CEP57: variants seen among roughly 807,000 people sequenced by gnomAD.
CEP57 encodes the protein centrosomal protein 57.
In CEP57, 40 loss-of-function variants were observed where a neutral mutation model predicts 68.0. That is an observed-to-expected ratio of 0.59 (90% CI 0.46 to 0.77). The LOEUF is 0.77. Among genes scored for constraint, CEP57 ranks in the 30% least tolerant of loss-of-function variants. CEP57 has a pLI of 0.00. For synonymous variants in CEP57, 219 were observed against 198.7 expected (o/e 1.10, Z -0.86); for missense variants, 606 against 580.7 (o/e 1.04, Z -0.45).
intron 2 of CEP57, 106 bp from the exon 3 acceptor site, chr11:95,812,826 A>T (rs1190406542): frequency 2.2e-5 from 21 of 938,466 alleles, no homozygotes; most frequent in Non-Finnish European, 3.7e-5. Flanking sequence ...CCTCCACTGG[A>T]CTCATCCATC....
chr11:95,806,662 C>T lies in CEP57; in HGVS notation c.203-6270C>T, dbSNP rs1441558509. On this transcript the variant is annotated intron_variant, in intron 2 of 10. Transcript: ENST00000325542. ...CTGAGATCCAACTGCAAGGCTGCAG[C>T]GAGGCTGGGGGAGGGGCATCCGCAA... Among the ~76,000 whole-genome samples the T allele has an allele frequency of 1.1e-4, 16 of 152,268 alleles. 1 individual carries two copies. Among genetic ancestry groups the T allele is most frequent in the Middle Eastern group, 6.8e-3 (2 of 294 alleles).
chr11:95,800,052 G>C (rs1310780452), intron 2 of CEP57, among the ~76,000 whole-genome samples: 3 of 152,108 alleles, frequency 2.0e-5, no homozygotes, highest in Admixed American at 6.6e-5. Flanking sequence ...TTAACAAATT[G>C]CCATGAACTT....
At chr11:95,814,855 C>G (rs1591068618) in intron 4 of CEP57, among the ~76,000 whole-genome samples, 1 of 152,072 alleles carries the variant, frequency 6.6e-6, no homozygotes, top group Non-Finnish European at 1.5e-5. Context: ...TGAATTGGTT[C>G]TCAGACCCCT....
At chr11:95,790,041 T>C (rs1860932070), upstream of CEP57, 1 of 156,126 alleles carries the variant, frequency 6.4e-6, no homozygotes. Context: ...ATTGAGCAAA[T>C]GTTCGCGAAA....
chr11:95,813,331 T>C (rs907471382), intron 3 of CEP57, 137 bp from the exon 4 acceptor site: 3 of 1,109,328 alleles, frequency 2.7e-6, no homozygotes, highest in Non-Finnish European at 2.6e-6. Flanking sequence ...AAGAATGATT[T>C]AGGTAATCTG....
At chr11:95,799,065 C>G (rs1861464310) in intron 1 of CEP57, among the ~76,000 whole-genome samples, 167 bp from the exon 2 acceptor site, 1 of 152,174 alleles carries the variant, frequency 6.6e-6, no homozygotes, top group Non-Finnish European at 1.5e-5. Flanking sequence ...TAATATGAAA[C>G]ACTTTAAAAG....
chr11:95,818,860 G>A lies in CEP57; in HGVS notation c.655G>A (p.Glu219Lys). ...KMQELEAKLH[E>K]EEQERKRMQA... ...GCAAGAGTTGGAAGCAAAACTCCATGAAGAAGAACAGGAAAGGAAACGCAT... is the reference window on the plus strand; with the variant it reads ...GCAAGAGTTGGAAGCAAAACTCCATAAAGAAGAACAGGAAAGGAAACGCAT... Residue 219 changes from glutamate (E) to lysine (K), a missense_variant, in exon 6 of 11, where the codon GAA (glutamate) becomes AAA (lysine). Coordinates refer to ENST00000325542, the MANE Select transcript of CEP57 (RefSeq NM_014679.5). The A allele has an allele frequency of 6.2e-7, 1 of 1,613,984 alleles. No individual in the cohort carries two copies. The highest frequency in any genetic ancestry group is 1.1e-5 in the South Asian group (1 of 91,078).
chr11:95,827,650 CATG>C, intron 8 of CEP57, 133 bp from the exon 9 acceptor site: 1 of 977,890 alleles, frequency 1.0e-6, no homozygotes, highest in Non-Finnish European at 1.5e-6. Flanking sequence ...AGAAGAACAT[CATG>C]ATGAGAATAA....
At chr11:95,791,287 C>G (rs1199399054) in intron 1 of CEP57, among the ~76,000 whole-genome samples, 3 of 152,128 alleles carry the variant, frequency 2.0e-5, no homozygotes, top group African/African-American at 7.2e-5. Flanking sequence ...CTTCCTGTCA[C>G]CTAGAATTAC....
At chr11:95,818,755 T>G in intron 5 of CEP57, 72 bp from the exon 6 acceptor site, 1 of 1,134,112 alleles carries the variant, frequency 8.8e-7, no homozygotes, top group Admixed American at 1.7e-5. Context: ...CATGTTCCAG[T>G]GCTGCTATAT....
chr11:95,800,739 A>G (rs894618683), intron 2 of CEP57, among the ~76,000 whole-genome samples: 3 of 151,990 alleles, frequency 2.0e-5, no homozygotes, highest in African/African-American at 7.3e-5. Flanking sequence ...ACATTTCTCT[A>G]ACCACAGCGG....
At chr11:95,791,178 G>T (rs1341936882) in intron 1 of CEP57, among the ~76,000 whole-genome samples, 2 of 152,096 alleles carry the variant, frequency 1.3e-5, no homozygotes, top group Non-Finnish European at 2.9e-5. Context: ...TCTCTCGAGC[G>T]CTTACTAGTC....
At chr11:95,806,841 A>AT (rs1276016308) in intron 2 of CEP57, among the ~76,000 whole-genome samples, 2 of 152,184 alleles carry the variant, frequency 1.3e-5, no homozygotes, top group Admixed American at 1.3e-4. Context: ...AGACTTAAAC[A>AT]TTCCTGTCTG....
chr11:95,811,419 G>A (rs577415181), intron 2 of CEP57, among the ~76,000 whole-genome samples: 10 of 147,144 alleles, frequency 6.8e-5, no homozygotes, highest in East Asian at 2.0e-4. Flanking sequence ...ATCACACACC[G>A]GGGCCTGTCG....
At chr11:95,820,582 A>AAAAG (rs1862478858) in intron 6 of CEP57, among the ~76,000 whole-genome samples, 1 of 150,802 alleles carries the variant, frequency 6.6e-6, no homozygotes. Flanking sequence ...ACAAGAGCAA[A>AAAAG]AAAAAAAAAA....
intron 4 of CEP57, among the ~76,000 whole-genome samples, chr11:95,816,145 G>C (rs553507959): frequency 1.3e-5 from 2 of 152,252 alleles, no homozygotes; most frequent in East Asian, 3.9e-4. Flanking sequence ...GGGACTTCTG[G>C]AAACTTAACA....
In CEP57 at chr11:95,831,006, G is replaced by T. The variant is rs753605930; in HGVS notation, c.1273-20G>T. 1.3e-6 allele frequency: 2 copies of T among 1,556,660 alleles called. No individual in the cohort carries two copies. Among genetic ancestry groups the T allele is most frequent in the South Asian group, 1.1e-5 (1 of 89,608 alleles). ...TCATTAAATTCTCCTTTTCCTTCCT[G>T]CCTTGGTTATTTGGTATAGCTGGAG... is the stretch of plus-strand genomic sequence containing the variant. On this transcript the variant is annotated intron_variant, in intron 10 of 10. Transcript: ENST00000325542.
chr11:95,830,910 T>TTGAA, intron 10 of CEP57, 116 bp from the exon 11 acceptor site: 2 of 716,138 alleles, frequency 2.8e-6, no homozygotes, highest in Non-Finnish European at 4.9e-6. Context: ...AATGTATTAT[T>TTGAA]TTTCAGTTAG....
rs1399778468 is a variant in CEP57, at chr11:95,799,342, C to T, written c.156C>T (p.Arg52=). The T allele has an allele frequency of 1.2e-6, 2 of 1,614,066 alleles. No individual in the cohort carries two copies. The highest frequency in any genetic ancestry group is 2.2e-5 in the East Asian group (1 of 44,878). The change falls in exon 2 of 11, where the codon CGC becomes CGT. Residue 52 remains arginine, a synonymous_variant. Transcript: ENST00000325542. The part of the protein sequence containing the change: ...DKPFLNSDLR[R]SPSKPTLAYP... ...CTTTCCTTAATAGTGATCTACGACG[C>T]TCCCCAAGTAAGCCTACACTTGCCT...
Sources: allele counts gnomAD v4.1 joint callset (sites outside exome capture counted in the v4.1 genomes callset), GRCh38; gene constraint gnomAD v4.1.1; transcripts MANE v1.5; gene names NCBI Gene and HGNC (gene_info 2026-07-23, HGNC 2026-07-21).